SRPRB: variants seen among roughly 807,000 people sequenced by gnomAD.
The protein encoded by SRPRB is signal recognition particle receptor subunit beta.
SRPRB carries 20 observed loss-of-function variants against 31.9 expected under a neutral mutation model. That is an observed-to-expected ratio of 0.63 (90% confidence interval 0.44 to 0.91). SRPRB has a LOEUF of 0.91. Among genes scored for constraint, SRPRB ranks in the 40% least tolerant of loss-of-function variants. The probability of loss-of-function intolerance (pLI) is 0.00; values close to 1 mark genes in which losing one functional copy is unlikely to be tolerated. For synonymous variants in SRPRB, 146 were observed against 132.8 expected, an observed-to-expected ratio of 1.10 and a Z score of -0.68; for missense variants, 321 against 324.9, an observed-to-expected ratio of 0.99 and a Z score of 0.09.
At chr3:133,811,287 G>C in intron 4 of SRPRB, 88 bp downstream of exon 4, 1 of 1,388,640 alleles carries the variant, frequency 7.2e-7, no homozygotes, top group East Asian at 2.3e-5. Flanking sequence ...TGGTGTTTGG[G>C]AGGCAGCATG....
At chr3:133,802,412 A>G (rs1935075518), upstream of SRPRB, among the ~76,000 whole-genome samples, 1 of 152,106 alleles carries the variant, frequency 6.6e-6, no homozygotes, top group African/African-American at 2.4e-5. Flanking sequence ...CCTGAAAAAA[A>G]AAATTAAAAG....
At chr3:133,810,907 TTC>T in intron 3 of SRPRB, 1 of 453,582 alleles carries the variant, frequency 2.2e-6, no homozygotes, top group Non-Finnish European at 3.9e-6. Context: ...ATGTTCACCT[TTC>T]TCATAAATTT....
intron 6 of SRPRB, among the ~76,000 whole-genome samples, chr3:133,818,906 T>C (rs1485702086): frequency 1.3e-5 from 2 of 151,982 alleles, no homozygotes; most frequent in Non-Finnish European, 2.9e-5. Context: ...AAGAAATGCT[T>C]TATTTTGTAA....
downstream of SRPRB, chr3:133,827,760 C>G (rs1253554673): frequency 6.2e-5 from 6 of 97,432 alleles, no homozygotes; most frequent in Non-Finnish European, 2.3e-5. Context: ...CCCCCCCCCC[C>G]CGCCTCCCCA....
At chr3:133,823,437 G>C (rs1477559512), downstream of SRPRB, among the ~76,000 whole-genome samples, 2 of 152,124 alleles carry the variant, frequency 1.3e-5, no homozygotes, top group African/African-American at 4.8e-5. Context: ...ATTTTTAGTA[G>C]AGATGAGGTT....
At chr3:133,803,086 C>A (rs1935086322), upstream of SRPRB, among the ~76,000 whole-genome samples, 1 of 152,166 alleles carries the variant, frequency 6.6e-6, no homozygotes, top group Non-Finnish European at 1.5e-5. Flanking sequence ...CATTTTCATA[C>A]CTATTTCTGT....
At chr3:133,803,952 C>T (rs1333680252), upstream of SRPRB, among the ~76,000 whole-genome samples, 6 of 149,818 alleles carry the variant, frequency 4.0e-5, no homozygotes, top group Non-Finnish European at 5.9e-5. Context: ...AAAAATTAGC[C>T]GGGCATGGTG....
chr3:133,801,911 C>T (rs1294873610), upstream of SRPRB, among the ~76,000 whole-genome samples: 4 of 152,148 alleles, frequency 2.6e-5, no homozygotes, highest in East Asian at 1.9e-4. Flanking sequence ...GAGTTCCTAT[C>T]GCCTACCTTT....
chr3:133,803,742 C>T (rs1338445970), upstream of SRPRB, among the ~76,000 whole-genome samples: 4 of 151,044 alleles, frequency 2.6e-5, no homozygotes, highest in South Asian at 2.1e-4. Flanking sequence ...TCACAGCTCA[C>T]GGTAACCTGG....
intron 6 of SRPRB, 138 bp from the exon 7 acceptor site, chr3:133,819,415 A>T: frequency 1.8e-6 from 1 of 557,456 alleles, no homozygotes. Flanking sequence ...AATGCAAAGG[A>T]TTATTCAACA....
rs1935196612 is a variant in SRPRB, at chr3:133,808,150, T to C, written c.327+327T>C. Among the ~76,000 whole-genome samples the C allele has an allele frequency of 2.0e-5, 3 of 152,218 alleles. No homozygotes were observed. In the South Asian group the frequency reaches 6.2e-4, roughly 32 times the overall value. On this transcript the variant is annotated intron_variant, in intron 3 of 6. Coordinates refer to ENST00000678299, the MANE Select transcript of SRPRB (RefSeq NM_001379313.1). ...TTTTAAGTTTTGAATAGGTAATACA[T>C]GCACATGGGACAAAAATTCAAAAGG...
chr3:133,791,053 T>TA (rs1470459558), intron 1 of SRPRB: 4 of 150,782 alleles, frequency 2.7e-5, no homozygotes, highest in African/African-American at 5.0e-5. Context: ...ATCATATATA[T>TA]TTTTTTTAAA....
downstream of SRPRB, among the ~76,000 whole-genome samples, chr3:133,823,039 C>T (rs116125547): frequency 0.03 from 4,608 of 152,286 alleles, 106 homozygotes; most frequent in South Asian, 0.065. Context: ...GGTTAAGAAA[C>T]GTGCCCTTTC....
intron 6 of SRPRB, among the ~76,000 whole-genome samples, chr3:133,818,721 A>G (rs1935409576): frequency 1.3e-5 from 2 of 152,056 alleles, no homozygotes; most frequent in South Asian, 2.1e-4. Context: ...TTTCTCCCCA[A>G]AAGCTTTTCC....
intron 4 of SRPRB, among the ~76,000 whole-genome samples, chr3:133,812,382 T>G (rs1935279081): frequency 6.6e-6 from 1 of 152,232 alleles, no homozygotes; most frequent in Admixed American, 6.5e-5. Flanking sequence ...TTGCCATAAT[T>G]GGGTTTTTAT....
At chr3:133,813,027 C>A (rs2107972437) in intron 4 of SRPRB, among the ~76,000 whole-genome samples, 1 of 152,298 alleles carries the variant, frequency 6.6e-6, no homozygotes, top group South Asian at 2.1e-4. Context: ...ATTTGGCCAG[C>A]ATTTTGGAAT....
At chr3:133,791,820 G>C (rs1455760679) in intron 1 of SRPRB, 3 of 152,022 alleles carry the variant, frequency 2.0e-5, no homozygotes, top group African/African-American at 4.8e-5. Context: ...TTTATCTTCT[G>C]TCTGTGTATT....
chr3:133,816,201 A>G (rs1475539416), intron 5 of SRPRB, among the ~76,000 whole-genome samples: 1 of 152,242 alleles, frequency 6.6e-6, no homozygotes, highest in Non-Finnish European at 1.5e-5. Flanking sequence ...CGTTACCTGT[A>G]CAATAAGACA....
intron 1 of SRPRB, chr3:133,786,307 T>C (rs1934683886): frequency 1.3e-5 from 2 of 151,942 alleles, no homozygotes; most frequent in African/African-American, 4.8e-5. Context: ...AAATTAGAGA[T>C]AGTAAAATAA....
Sources: allele counts gnomAD v4.1 joint callset (sites outside exome capture counted in the v4.1 genomes callset), GRCh38; gene constraint gnomAD v4.1.1; transcripts MANE v1.5; gene names NCBI Gene and HGNC (gene_info 2026-07-23, HGNC 2026-07-21).